Variants in USP17L7 observed in about 807,000 individuals in gnomAD.
The protein encoded by USP17L7 is ubiquitin specific peptidase 17 like family member 7, also known as inactive ubiquitin carboxyl-terminal hydrolase 17-like protein 7.
A neutral mutation model predicts 37.6 loss-of-function variants in USP17L7; 53 were observed. The observed-to-expected ratio is 1.41, with a 90% CI of 1.13 to 1.77. USP17L7 has a LOEUF of 1.77. Ranked by LOEUF, USP17L7 falls within the 40% of genes most tolerant of loss-of-function variation. The pLI, the probability that USP17L7 is intolerant of heterozygous loss-of-function variation, is 0.00. For missense variants in USP17L7, 914 were observed against 645.0 expected, an observed-to-expected ratio of 1.42 and a Z score of -4.52; for synonymous variants, 330 against 251.0, an observed-to-expected ratio of 1.31 and a Z score of -2.98.
chr8:12,133,140 T>C lies in USP17L7; in HGVS notation c.870A>G (p.Lys290=), dbSNP rs182112681. Residue 290 remains lysine (K), a synonymous_variant, in exon 1 of 1, where the codon AAA becomes AAG. Transcript: ENST00000530447. ...TAGGATATTGCACATTCTTGGCAAG[T>C]TTGTTGCCTGTGACATCGGAGAATC... is the stretch of plus-strand genomic sequence containing the variant. ...LKRFSDVTGN[K]LAKNVQYPKC... is the part of the protein sequence containing the mutation. The C allele has an allele frequency of 6.6e-7, 1 of 1,508,670 alleles. No individual in the cohort carries two copies. Among genetic ancestry groups the C allele is most frequent in the East Asian group, 2.6e-5 (1 of 38,672 alleles). The allele number at this position is 1,508,670 out of a possible 1,614,324, so 93.5% of individuals were successfully genotyped here.
In USP17L7 at chr8:12,133,503, C is replaced by T. The variant is rs754932953; in HGVS notation, c.507G>A (p.Val169=). 3.4e-6 allele frequency: 5 copies of T among 1,476,014 alleles called. No homozygotes were observed. In the East Asian group the frequency reaches 1.0e-4, roughly 31 times the overall value. 91.4% of individuals were successfully genotyped at this position (1,476,014 alleles called of 1,614,324 possible). The stretch of plus-strand genomic sequence containing the variant: ...GAAGGCATGCCTTTTTCATGGCATC[C>T]ACAGTAAACATGAGAAATTCATGGG... ...EDAHEFLMFT[V]DAMKKACLPG... Residue 169 remains valine (V), a synonymous_variant, in exon 1 of 1, where the codon GTG becomes GTA. Transcript: ENST00000530447.
Position 12,132,826 on chromosome 8 carries a change from C to T in USP17L7, c.1184G>A (p.Gly395Asp). 1 of 1,520,734 alleles carries T rather than the reference C, an allele frequency of 6.6e-7. No homozygotes were observed. The allele number at this position is 1,520,734 out of a possible 1,614,324, so 94.2% of individuals were successfully genotyped here. The part of the protein sequence containing the change: ...VSRGREPRAL[G>D]AEDTDRPATQ... ...TGCTGGCCTGTCTGTGTCTTCAGCA[C>T]CAAGGGCTCTTGGTTCCCTGCCTCT... The change falls in exon 1 of 1, where the codon GGT becomes GAT. Residue 395 changes from glycine to aspartate, a missense_variant. By Grantham distance (94) the Gly-to-Asp change is moderately conservative (BLOSUM62 -1). Transcript: ENST00000530447.
chr8:12,133,014 G>A lies in USP17L7; in HGVS notation c.996C>T (p.Asn332=), dbSNP rs3989705. The change falls in exon 1 of 1, where the codon AAC becomes AAT. Residue 332 remains asparagine, a synonymous_variant. Transcript: ENST00000530447. ...VLVHAGWSCH[N]GHYFSYVKAQ... is the part of the protein sequence containing the mutation. ...CTTTGACATAAGAGAAGTAATGTCC[G>A]TTGTGACAACTCCACCCAGCGTGGA... 1.2e-3 allele frequency: 1,883 copies of A among 1,517,888 alleles called. 113 individuals are homozygous for A. In the African/African-American group the frequency reaches 0.016, roughly 13 times the overall value. The allele number at this position is 1,517,888 out of a possible 1,614,324, so 94.0% of individuals were successfully genotyped here.
At position 12,134,080 on chromosome 8, in the gene USP17L7, G is replaced by C. The variant is rs368540113; in HGVS notation, c.-71C>G. The C allele has an allele frequency of 4.9e-6, 4 of 808,904 alleles. No homozygotes were observed. Among genetic ancestry groups the C allele is most frequent in the South Asian group, 3.0e-5 (2 of 67,494 alleles). The allele number at this position is 808,904 out of a possible 1,614,324, so 50.1% of individuals were successfully genotyped here. A position where few individuals can be genotyped will look rare whatever the true frequency, so the allele number is the denominator to read the frequency against. On this transcript the variant is annotated 5_prime_UTR_variant, in exon 1 of 1. Transcript: ENST00000530447. ...GTTGCAGCAAGACGCTATCTCTTCC[G>C]AGAGAGTCTTCAAATGACCAGCTCT...
Position 12,132,727 on chromosome 8 carries a change from G to A in USP17L7, c.1283C>T (p.Ala428Val). The change falls in exon 1 of 1, where the codon GCC becomes GTC. Residue 428 changes from alanine (A) to valine (V), a missense_variant. Physicochemically the swap from Ala to Val is moderately conservative, Grantham distance 64. Transcript: ENST00000530447. Reference protein sequence around the residue: ...PELDEHLVERATQESTLDHWK... With the variant: ...PELDEHLVERVTQESTLDHWK... ...GTGGTCTAAGGTGCTTTCCTGAGTGGCTCTTTCCACCAAGTGCTCGTCCAA... is the reference window on the plus strand; with the variant it reads ...GTGGTCTAAGGTGCTTTCCTGAGTGACTCTTTCCACCAAGTGCTCGTCCAA... The A allele has an allele frequency of 6.5e-7, 1 of 1,541,188 alleles. No individual in the cohort carries two copies. The highest frequency in any genetic ancestry group is 1.4e-5 in the African/African-American group (1 of 72,256).
rs749223308 is a variant in USP17L7, at chr8:12,133,475, C to G, written c.535G>C (p.Gly179Arg). 4 of 1,475,290 alleles carry G rather than the reference C, an allele frequency of 2.7e-6. No individual in the cohort carries two copies. The highest frequency in any genetic ancestry group is 2.5e-4 in the Middle Eastern group (1 of 4,068). The allele number at this position is 1,475,290 out of a possible 1,614,324, so 91.4% of individuals were successfully genotyped here. A position where few individuals can be genotyped will look rare whatever the true frequency, so the allele number is the denominator to read the frequency against. Residue 179 changes from glycine (G) to arginine (R), a missense_variant, in exon 1 of 1, where the codon GGG (glycine) becomes CGG (arginine). Transcript: ENST00000530447. ...GAGTGATGATCTAGCTGCTTGTGCCCGGGAAGGCATGCCTTTTTCATGGCA... is the reference window on the plus strand; with the variant it reads ...GAGTGATGATCTAGCTGCTTGTGCCGGGGAAGGCATGCCTTTTTCATGGCA... ...VDAMKKACLP[G>R]HKQLDHHSKD...
rs772555466 is a variant in USP17L7, at chr8:12,133,909, C to T, written c.101G>A (p.Arg34Gln). ...TGGTGACTTTTCAGAGAGAGAAGTC[C>T]GCTGGATTTCAGCAAAAGCTGCATC... ...RLDAAFAEIQ[R>Q]TSLSEKSPLS... Residue 34 changes from arginine to glutamine, a missense_variant, in exon 1 of 1, where the codon CGG (arginine) becomes CAG (glutamine). Arg to Gln is a conservative substitution (Grantham distance 43). Coordinates refer to ENST00000530447, the MANE Select transcript of USP17L7 (RefSeq NM_001256869.2). 1.1e-5 allele frequency: 16 copies of T among 1,467,322 alleles called. No individual in the cohort carries two copies. Among genetic ancestry groups the T allele is most frequent in the African/African-American group, 2.8e-5 (2 of 70,778 alleles). 90.9% of individuals were successfully genotyped at this position (1,467,322 alleles called of 1,614,324 possible).
rs545576177 is a variant in USP17L7 at position 12,133,473 on chromosome 8, C to G, written c.537G>C (p.Gly179=). 65 of 1,474,184 alleles carry G rather than the reference C, an allele frequency of 4.4e-5. 5 individuals are homozygous for G. Among genetic ancestry groups the G allele is most frequent in the Admixed American group, 1.6e-4 (9 of 57,140 alleles). 91.3% of individuals were successfully genotyped at this position (1,474,184 alleles called of 1,614,324 possible). Residue 179 remains glycine, a synonymous_variant, in exon 1 of 1, where the codon GGG becomes GGC. Transcript: ENST00000530447. ...TGGAGTGATGATCTAGCTGCTTGTG[C>G]CCGGGAAGGCATGCCTTTTTCATGG... The part of the protein sequence containing the change: ...VDAMKKACLP[G]HKQLDHHSKD...
rs1231621921 is a variant in USP17L7, at chr8:12,133,745, A to T, written c.265T>A (p.Phe89Ile). ...GAGLQKIGNT[F>I]YVNVSLQCLT... The stretch of plus-strand genomic sequence containing the variant: ...CACTGCAGGGAAACGTTCACATAGA[A>T]GGTATTTCCTATCTTCTGGAGCCCA... The change falls in exon 1 of 1, where the codon TTC becomes ATC. Residue 89 changes from phenylalanine (F) to isoleucine (I), a missense_variant. By Grantham distance (21) the Phe-to-Ile change is conservative (BLOSUM62 0). Transcript: ENST00000530447. 5.7e-6 allele frequency: 8 copies of T among 1,408,900 alleles called. No individual in the cohort carries two copies. The Admixed American group carries it at 7.0e-5, about 12-fold the overall frequency. The allele number at this position is 1,408,900 out of a possible 1,614,324, so 87.3% of individuals were successfully genotyped here. A position where few individuals can be genotyped will look rare whatever the true frequency, so the allele number is the denominator to read the frequency against.
rs763624920 is a variant in USP17L7 at position 12,132,707 on chromosome 8, C to T, written c.1303G>A (p.Asp435Asn). 1.9e-6 allele frequency: 3 copies of T among 1,544,686 alleles called. 1 individual carries two copies. Among genetic ancestry groups the T allele is most frequent in the Non-Finnish European group, 2.6e-6 (3 of 1,139,328 alleles). ...TGCTCTTGGGGGAATTTCCAGTGGT[C>T]TAAGGTGCTTTCCTGAGTGGCTCTT... ...VERATQESTL[D>N]HWKFPQEQNK... The change falls in exon 1 of 1, where the codon GAC (aspartate) becomes AAC (asparagine). Residue 435 changes from aspartate (D) to asparagine (N), a missense_variant. Physicochemically the swap from Asp to Asn is conservative, Grantham distance 23. Coordinates refer to ENST00000530447, the MANE Select transcript of USP17L7 (RefSeq NM_001256869.2).
At position 12,133,983 on chromosome 8, in the gene USP17L7, T is replaced by C; in HGVS notation, c.27A>G (p.Gly9=). MEDDSLYL[G]GDWQFNHFSK... ...AAAAGTGATTGAACTGCCAGTCACC[T>C]CCCAAATAGAGTGAGTCGTCTTCCA... Residue 9 remains glycine, a synonymous_variant, in exon 1 of 1, where the codon GGA becomes GGG. Transcript: ENST00000530447. 4 of 1,124,620 alleles carry C rather than the reference T, an allele frequency of 3.6e-6. No homozygotes were observed. The highest frequency in any genetic ancestry group is 2.6e-6 in the Non-Finnish European group (2 of 761,838). The allele number at this position is 1,124,620 out of a possible 1,614,324, so 69.7% of individuals were successfully genotyped here. A position where few individuals can be genotyped will look rare whatever the true frequency, so the allele number is the denominator to read the frequency against.
rs1285602004 is a variant in USP17L7 at position 12,132,699 on chromosome 8, C to G, written c.1311G>C (p.Trp437Cys). Residue 437 changes from tryptophan to cysteine, a missense_variant, in exon 1 of 1, where the codon TGG becomes TGC. Physicochemically the swap from Trp to Cys is radical, Grantham distance 215 (BLOSUM62 -2). Transcript: ENST00000530447. ...TTTTGTTTTGCTCTTGGGGGAATTTCCAGTGGTCTAAGGTGCTTTCCTGAG... is the reference window on the plus strand; with the variant it reads ...TTTTGTTTTGCTCTTGGGGGAATTTGCAGTGGTCTAAGGTGCTTTCCTGAG... The part of the protein sequence containing the change: ...RATQESTLDH[W>C]KFPQEQNKTK... 6.5e-7 allele frequency: 1 copy of G among 1,544,648 alleles called. No homozygotes were observed. The highest frequency in any genetic ancestry group is 1.2e-5 in the South Asian group (1 of 81,786).
Position 12,133,671 on chromosome 8 carries a change from G to T in USP17L7, c.339C>A (p.Asp113Glu). The part of the protein sequence containing the change: ...PLSNYMLSRE[D>E]SQTCHLHKCC... ...ACTTGTGAAGATGACACGTTTGAGA[G>T]TCCTCCCGGGACAGCATGTAGTTGG... is the stretch of plus-strand genomic sequence containing the variant. The change falls in exon 1 of 1, where the codon GAC (aspartate) becomes GAA (glutamate). Residue 113 changes from aspartate (D) to glutamate (E), a missense_variant. By Grantham distance (45) the Asp-to-Glu change is conservative. Transcript: ENST00000530447. 8.0e-7 allele frequency: 1 copy of T among 1,242,372 alleles called. No individual in the cohort carries two copies. The highest frequency in any genetic ancestry group is 1.2e-6 in the Non-Finnish European group (1 of 866,794). The allele number at this position is 1,242,372 out of a possible 1,614,324, so 77.0% of individuals were successfully genotyped here.
rs765076098 is a variant in USP17L7 at position 12,132,849 on chromosome 8, T to A, written c.1161A>T (p.Arg387Ser). 5.3e-6 allele frequency: 8 copies of A among 1,503,824 alleles called. 2 individuals are homozygous for A. The Admixed American group carries it at 1.4e-4, about 26-fold the overall frequency. The allele number at this position is 1,503,824 out of a possible 1,614,324, so 93.2% of individuals were successfully genotyped here. A position where few individuals can be genotyped will look rare whatever the true frequency, so the allele number is the denominator to read the frequency against. Residue 387 changes from arginine (R) to serine (S), a missense_variant, in exon 1 of 1, where the codon AGA becomes AGT. Coordinates refer to ENST00000530447, the MANE Select transcript of USP17L7 (RefSeq NM_001256869.2). ...EWERHSESVS[R>S]GREPRALGAE... ...CACCAAGGGCTCTTGGTTCCCTGCCTCTTGACACACTCTCACTGTGTCTTT... is the reference window on the plus strand; with the variant it reads ...CACCAAGGGCTCTTGGTTCCCTGCCACTTGACACACTCTCACTGTGTCTTT...
In USP17L7 at chr8:12,133,217, T is replaced by A; in HGVS notation, c.793A>T (p.Lys265Ter). 1 of 1,503,604 alleles carries A rather than the reference T, an allele frequency of 6.7e-7. No individual in the cohort carries two copies. The highest frequency in any genetic ancestry group is 9.0e-7 in the Non-Finnish European group (1 of 1,105,452). 93.1% of individuals were successfully genotyped at this position (1,503,604 alleles called of 1,614,324 possible). ...GLCLQKAPASKTLTLPTSAKV... is the reference protein window; with the variant it reads ...GLCLQKAPAS ...GCAGAAGTGGGTAAAGTTAACGTCTTGGAGGCAGGCGCCTTCTGGAGACAA... is the reference window on the plus strand; with the variant it reads ...GCAGAAGTGGGTAAAGTTAACGTCTAGGAGGCAGGCGCCTTCTGGAGACAA... Residue 265 changes from lysine to a stop codon, truncating the protein, a stop_gained, in exon 1 of 1, where the codon AAG becomes TAG. Coordinates refer to ENST00000530447, the MANE Select transcript of USP17L7 (RefSeq NM_001256869.2). LOFTEE classifies it high-confidence loss of function.
In USP17L7 at chr8:12,133,439, T is replaced by A. The variant is rs772699196; in HGVS notation, c.571A>T (p.Thr191Ser). 44 of 1,459,274 alleles carry A rather than the reference T, an allele frequency of 3.0e-5. 1 individual carries two copies. The highest frequency in any genetic ancestry group is 6.3e-5 in the South Asian group (5 of 79,174). 90.4% of individuals were successfully genotyped at this position (1,459,274 alleles called of 1,614,324 possible). The change falls in exon 1 of 1, where the codon ACC becomes TCC. Residue 191 changes from threonine to serine, a missense_variant. Coordinates refer to ENST00000530447, the MANE Select transcript of USP17L7 (RefSeq NM_001256869.2). ...KQLDHHSKDT[T>S]LIHQIFGAYW... is the part of the protein sequence containing the mutation. ...GCTCCAAATATTTGGTGGATGAGGG[T>A]GGTGTCCTTGGAGTGATGATCTAGC...
In USP17L7 at chr8:12,133,262, T is replaced by G; in HGVS notation, c.748A>C (p.Asn250His). ...AGACAAAGACCACAATGATAGGCAT[T>G]CTCTCCATTGAGTTCTTTGGGCTTC... is the stretch of plus-strand genomic sequence containing the variant. ...LVKPKELNGENAYHCGLCLQK... is the reference protein window; with the variant it reads ...LVKPKELNGEHAYHCGLCLQK... The change falls in exon 1 of 1, where the codon AAT becomes CAT. Residue 250 changes from asparagine to histidine, a missense_variant. Coordinates refer to ENST00000530447, the MANE Select transcript of USP17L7 (RefSeq NM_001256869.2). The G allele has an allele frequency of 2.0e-6, 3 of 1,515,168 alleles. 1 individual carries two copies. Among genetic ancestry groups the G allele is most frequent in the African/African-American group, 2.8e-5 (2 of 71,826 alleles). The allele number at this position is 1,515,168 out of a possible 1,614,324, so 93.9% of individuals were successfully genotyped here. A position where few individuals can be genotyped will look rare whatever the true frequency, so the allele number is the denominator to read the frequency against.
rs748198755 is a variant in USP17L7, at chr8:12,133,661, A to G, written c.349T>C (p.Cys117Arg). ...YMLSREDSQT[C>R]HLHKCCMFCT... is the part of the protein sequence containing the mutation. ...AACATGCAGCACTTGTGAAGATGAC[A>G]CGTTTGAGAGTCCTCCCGGGACAGC... is the stretch of plus-strand genomic sequence containing the variant. Residue 117 changes from cysteine to arginine, a missense_variant, in exon 1 of 1, where the codon TGT becomes CGT. Transcript: ENST00000530447. The G allele has an allele frequency of 2.4e-6, 3 of 1,233,548 alleles. No homozygotes were observed. The highest frequency in any genetic ancestry group is 5.4e-5 in the East Asian group (2 of 36,898). 76.4% of individuals were successfully genotyped at this position (1,233,548 alleles called of 1,614,324 possible). A position where few individuals can be genotyped will look rare whatever the true frequency, so the allele number is the denominator to read the frequency against.
rs1451006995 is a variant in USP17L7 at position 12,133,825 on chromosome 8, A to G, written c.185T>C (p.Leu62Pro). ...CDDLAPVARQ[L>P]APREKLPLSS... ...CAGAGGAAGCTTCTCCCTGGGAGCA[A>G]GCTGTCTTGCCACAGGAGCCAAATC... is the stretch of plus-strand genomic sequence containing the variant. The change falls in exon 1 of 1, where the codon CTT (leucine) becomes CCT (proline). Residue 62 changes from leucine (L) to proline (P), a missense_variant. Coordinates refer to ENST00000530447, the MANE Select transcript of USP17L7 (RefSeq NM_001256869.2). The G allele has an allele frequency of 1.3e-6, 2 of 1,529,942 alleles. No individual in the cohort carries two copies. Among genetic ancestry groups the G allele is most frequent in the Non-Finnish European group, 1.8e-6 (2 of 1,127,584 alleles). The allele number at this position is 1,529,942 out of a possible 1,614,324, so 94.8% of individuals were successfully genotyped here.
Sources: allele counts gnomAD v4.1 joint callset, GRCh38; gene constraint gnomAD v4.1.1; transcripts MANE v1.5; gene names NCBI Gene and HGNC (gene_info 2026-07-23, HGNC 2026-07-21).